The following CEP350 variants were observed in gnomAD, a reference collection of about 807,000 sequenced individuals.
The protein encoded by CEP350 is centrosomal protein 350.
In CEP350, 126 loss-of-function variants were observed where a neutral mutation model predicts 331.8. The ratio of observed to expected loss-of-function variants is 0.38; its 90% CI spans 0.33 to 0.44. The LOEUF (loss-of-function observed/expected upper bound fraction) is 0.44, where lower values mean the gene tolerates loss of function less well. Ranked by LOEUF, CEP350 falls within the 20% of genes least tolerant of loss-of-function variation. The probability of loss-of-function intolerance (pLI) is 1.00; values close to 1 mark genes in which losing one functional copy is unlikely to be tolerated. For synonymous variants in CEP350, 1,200 were observed against 1,259.5 expected (o/e 0.95, Z 1.00); for missense variants, 3,406 against 3,634.6 (o/e 0.94, Z 1.62).
chr1:180,097,342 T>C (rs896082379), intron 36 of CEP350, among the ~76,000 whole-genome samples: 1 of 152,240 alleles, frequency 6.6e-6, no homozygotes. Context: ...CAGAAAAAAT[T>C]GGCCATCCCC....
rs1270674772 is a variant in CEP350 at position 180,020,896 on chromosome 1, T to C, written c.3122T>C (p.Leu1041Pro). 1.2e-6 allele frequency: 2 copies of C among 1,613,264 alleles called. No homozygotes were observed. The highest frequency in any genetic ancestry group is 1.7e-6 in the Non-Finnish European group (2 of 1,179,796). The change falls in exon 12 of 38, where the codon CTT becomes CCT. Residue 1041 changes from leucine (L) to proline (P), a missense_variant. Physicochemically the swap from Leu to Pro is moderately conservative, Grantham distance 98. Coordinates refer to ENST00000367607, the MANE Select transcript of CEP350 (RefSeq NM_014810.5). ...AAAGAAGCTGAAAAATTCTTGCCAC[T>C]TTTTGGGCACATAGGTGGTACACAA... ...FQKEAEKFLP[L>P]FGHIGGTQSK...
chr1:179,970,123 G>T lies in CEP350; in HGVS notation c.-14+14981G>T, dbSNP rs563435758. On this transcript the variant is annotated intron_variant, in intron 1 of 37. Coordinates refer to ENST00000367607, the MANE Select transcript of CEP350 (RefSeq NM_014810.5). ...GCTCTCCTAAAATAAAAAACTATGGGTGTCTTGTTTACGAAGTTTAGCTCT... is the reference window on the plus strand; with the variant it reads ...GCTCTCCTAAAATAAAAAACTATGGTTGTCTTGTTTACGAAGTTTAGCTCT... 3.6e-4 allele frequency among the ~76,000 whole-genome samples: 55 copies of T among 152,228 alleles called. 1 individual carries two copies. Among genetic ancestry groups the T allele is most frequent in the Middle Eastern group, 3.4e-3 (1 of 294 alleles).
intron 31 of CEP350, among the ~76,000 whole-genome samples, chr1:180,084,804 T>C (rs1026167540): frequency 6.6e-6 from 1 of 152,122 alleles, no homozygotes; most frequent in Non-Finnish European, 1.5e-5. Context: ...TTTGAGGCTG[T>C]AGTGCACCAT....
chr1:180,049,291 A>G (rs1014986406), intron 22 of CEP350, among the ~76,000 whole-genome samples: 1 of 152,222 alleles, frequency 6.6e-6, no homozygotes, highest in Non-Finnish European at 1.5e-5. Context: ...AAACACAGTA[A>G]CGATATGTGA....
At chr1:180,045,483 G>A (rs1657061618) in intron 21 of CEP350, among the ~76,000 whole-genome samples, 1 of 152,128 alleles carries the variant, frequency 6.6e-6, no homozygotes, top group Non-Finnish European at 1.5e-5. Context: ...TACTGACATT[G>A]TCAAGTATAG....
chr1:180,104,338 A>G (rs981973942), intron 37 of CEP350, among the ~76,000 whole-genome samples: 29 of 152,030 alleles, frequency 1.9e-4, no homozygotes, highest in South Asian at 2.1e-4. Context: ...GCCCAATACT[A>G]TAGATAAAAT....
At chr1:180,001,186 TC>T (rs1389965418) in intron 6 of CEP350, among the ~76,000 whole-genome samples, 2 of 152,246 alleles carry the variant, frequency 1.3e-5, no homozygotes, top group African/African-American at 4.8e-5. Flanking sequence ...ACTTTGGTTA[TC>T]ATCTTTATTC....
chr1:180,057,007 A>T (rs1472549776), intron 25 of CEP350, among the ~76,000 whole-genome samples: 2 of 151,592 alleles, frequency 1.3e-5, no homozygotes, highest in African/African-American at 2.4e-5. Context: ...TCTTAATTCG[A>T]TTTGTTTTCG....
At chr1:180,074,251 T>A (rs1222297950) in intron 27 of CEP350, among the ~76,000 whole-genome samples, 4 of 152,188 alleles carry the variant, frequency 2.6e-5, no homozygotes, top group African/African-American at 9.6e-5. Flanking sequence ...ATTAGTAGCC[T>A]CTAAACTAAG....
chr1:180,039,388 T>C (rs1288497389), intron 17 of CEP350, among the ~76,000 whole-genome samples: 2 of 152,174 alleles, frequency 1.3e-5, no homozygotes, highest in African/African-American at 4.8e-5. Context: ...TACGTTTTTT[T>C]CCAAAAGCTT....
chr1:180,075,246 A>G, intron 28 of CEP350, 25 bp downstream of exon 28: 2 of 1,556,076 alleles, frequency 1.3e-6, no homozygotes, highest in Non-Finnish European at 1.7e-6. Flanking sequence ...CTCTGTTCAC[A>G]CTACAAACTA....
At position 180,014,396 on chromosome 1, in the gene CEP350, C is replaced by A; in HGVS notation, c.1943C>A (p.Pro648His). ...TTTACTAAAGTAAAAAATGTCCCTC[C>A]TTCTGAGCCATCAGCAACTAGGCGA... The part of the protein sequence containing the change: ...EAFTKVKNVP[P>H]SEPSATRRLQ... Residue 648 changes from proline (P) to histidine (H), a missense_variant, in exon 10 of 38, where the codon CCT becomes CAT. Around this residue, in one of 5 missense-constraint regions of CEP350, gnomAD observed 1,857 missense variants for 1,909.2 expected, o/e 0.97. Transcript: ENST00000367607. 1 of 1,601,908 alleles carries A rather than the reference C, an allele frequency of 6.2e-7. No homozygotes were observed. Among genetic ancestry groups the A allele is most frequent in the Non-Finnish European group, 8.5e-7 (1 of 1,173,894 alleles).
At chr1:180,064,622 T>G (rs1658432944) in intron 26 of CEP350, among the ~76,000 whole-genome samples, 1 of 152,188 alleles carries the variant, frequency 6.6e-6, no homozygotes, top group Admixed American at 6.5e-5. Context: ...ACTTTTTTAA[T>G]TTTTGAAAAC....
chr1:180,014,038 C>A lies in CEP350; in HGVS notation c.1585C>A (p.Arg529Ser), dbSNP rs1048464410. The change falls in exon 10 of 38, where the codon CGT (arginine) becomes AGT (serine). Residue 529 changes from arginine to serine, a missense_variant. Around this residue, in one of 5 missense-constraint regions of CEP350, gnomAD observed 1,857 missense variants for 1,909.2 expected, o/e 0.97. Coordinates refer to ENST00000367607, the MANE Select transcript of CEP350 (RefSeq NM_014810.5). ...TAAGGACTTTTTACCTATTGAAATT[C>A]GTGGCATTCTTGATGACCTACAGCT... ...LNKDFLPIEI[R>S]GILDDLQLDS... The A allele has an allele frequency of 1.2e-6, 2 of 1,612,908 alleles. No individual in the cohort carries two copies. Among genetic ancestry groups the A allele is most frequent in the Non-Finnish European group, 1.7e-6 (2 of 1,179,372 alleles).
chr1:180,006,391 C>T (rs992082074), intron 7 of CEP350, 63 bp from the exon 8 acceptor site: 24 of 840,446 alleles, frequency 2.9e-5, no homozygotes, highest in South Asian at 8.8e-5. Context: ...TTCCTATGGG[C>T]GGAGGATAAG....
chr1:180,067,729 G>A (rs999715582), intron 27 of CEP350, among the ~76,000 whole-genome samples: 5 of 152,138 alleles, frequency 3.3e-5, no homozygotes, highest in South Asian at 2.1e-4. Flanking sequence ...AGTATTTTCC[G>A]AAATTGGTGG....
At chr1:180,030,511 A>G (rs1304950261) in intron 14 of CEP350, among the ~76,000 whole-genome samples, 1 of 151,878 alleles carries the variant, frequency 6.6e-6, no homozygotes, top group Admixed American at 6.6e-5. Flanking sequence ...GTACTAGACT[A>G]GAGTCAGGAG....
intron 6 of CEP350, among the ~76,000 whole-genome samples, chr1:179,998,031 C>T (rs1457071996): frequency 2.0e-5 from 3 of 150,076 alleles, no homozygotes; most frequent in Non-Finnish European, 3.0e-5. Context: ...TTAAAGCCAA[C>T]TCAAGTTTTT....
intron 37 of CEP350, 119 bp downstream of exon 37, chr1:180,099,104 A>G (rs1464717219): frequency 1.9e-6 from 2 of 1,048,436 alleles, no homozygotes; most frequent in East Asian, 5.2e-5. Flanking sequence ...TTAAAATCTT[A>G]AAGCCTTTAC....
Sources: gnomAD v4.1 joint callset for allele counts (sites outside exome capture counted in the v4.1 genomes callset) on GRCh38, gnomAD v4.1.1 for gene constraint, gnomAD v4.1.1 regional missense constraint, MANE v1.5 for transcripts, NCBI Gene and HGNC (gene_info 2026-07-23, HGNC 2026-07-21) for gene names.